The following SHROOM3 variants were observed in gnomAD, a reference collection of about 807,000 sequenced individuals.
SHROOM3 encodes the protein protein Shroom3.
Under a neutral mutation model 138.6 loss-of-function variants are expected in SHROOM3, and 47 were observed. That is an observed-to-expected ratio of 0.34 (90% CI 0.27 to 0.43). The LOEUF is 0.43. Ranked by LOEUF, SHROOM3 falls within the 20% of genes least tolerant of loss-of-function variation. The probability of loss-of-function intolerance (pLI) is 1.00; values close to 1 mark genes in which losing one functional copy is unlikely to be tolerated. For synonymous variants in SHROOM3, 1,062 were observed against 1,063.3 expected (o/e 1.00, Z 0.02); for missense variants, 2,491 against 2,596.5 (o/e 0.96, Z 0.88).
rs529114012 is a variant in SHROOM3 at position 76,439,105 on chromosome 4, C to T, written c.168+2885C>T. 2.6e-5 allele frequency among the ~76,000 whole-genome samples: 4 copies of T among 152,304 alleles called. No homozygotes were observed. The East Asian group carries it at 5.8e-4, about 22-fold the overall frequency. On this transcript the variant is annotated intron_variant, in intron 1 of 10. Coordinates refer to ENST00000296043, the MANE Select transcript of SHROOM3 (RefSeq NM_020859.4). ...TCAGTGTGTCAGCAGGGCTGTGTTCCTTGCTGGAGGCTCTAGGGGAAGATG... is the reference window on the plus strand; with the variant it reads ...TCAGTGTGTCAGCAGGGCTGTGTTCTTTGCTGGAGGCTCTAGGGGAAGATG...
chr4:76,477,227 C>T (rs1469918667), intron 1 of SHROOM3, among the ~76,000 whole-genome samples: 2 of 152,170 alleles, frequency 1.3e-5, no homozygotes, highest in Non-Finnish European at 2.9e-5. Context: ...ACTCGGCCTC[C>T]CAAAGTGCTA....
intron 2 of SHROOM3, among the ~76,000 whole-genome samples, chr4:76,620,357 G>A (rs55968954): frequency 0.085 from 12,900 of 152,126 alleles, 592 homozygotes; most frequent in East Asian, 0.13. Flanking sequence ...TTAGAGATAC[G>A]GGAATTATCT....
chr4:76,606,864 G>A (rs1227982885), intron 2 of SHROOM3, among the ~76,000 whole-genome samples: 1 of 152,124 alleles, frequency 6.6e-6, no homozygotes, highest in Non-Finnish European at 1.5e-5. Context: ...AAAAAATGCT[G>A]TAGCAGCTTG....
intron 2 of SHROOM3, among the ~76,000 whole-genome samples, chr4:76,630,272 A>C (rs1735277322): frequency 6.6e-6 from 1 of 152,322 alleles, no homozygotes; most frequent in South Asian, 2.1e-4. Context: ...TTACAGCGGG[A>C]CCAGGAGTGC....
chr4:76,566,750 T>C (rs1046226111), intron 2 of SHROOM3, among the ~76,000 whole-genome samples: 1 of 152,238 alleles, frequency 6.6e-6, no homozygotes, highest in Non-Finnish European at 1.5e-5. Context: ...TGGTTCCATC[T>C]GACTTGAGAT....
At chr4:76,641,942 T>C (rs1360789983) in intron 2 of SHROOM3, among the ~76,000 whole-genome samples, 2 of 152,150 alleles carry the variant, frequency 1.3e-5, no homozygotes, top group African/African-American at 4.8e-5. Flanking sequence ...GAGCCTGTCA[T>C]TTTTAGAGCT....
intron 2 of SHROOM3, among the ~76,000 whole-genome samples, chr4:76,671,377 G>A (rs1437843290): frequency 6.6e-6 from 1 of 152,162 alleles, no homozygotes; most frequent in Non-Finnish European, 1.5e-5. Flanking sequence ...TTGCCTTTTG[G>A]ATAAACTTCA....
intron 2 of SHROOM3, among the ~76,000 whole-genome samples, chr4:76,599,465 C>A (rs1734459827): frequency 6.6e-6 from 1 of 152,202 alleles, no homozygotes. Context: ...AGTTCATCTC[C>A]TTTATTCTTT....
chr4:76,444,484 C>CTT lies in SHROOM3; in HGVS notation c.168+8290_168+8291dup, dbSNP rs61655085. On this transcript the variant is annotated intron_variant, in intron 1 of 10. Transcript: ENST00000296043. ...CCAGTTTCCTCATCTCTCTTTCTTT[C>CTT]TTTTTTTTTTTTTTTTTTTTTTTTT... Among the ~76,000 whole-genome samples, 112 of 60,158 alleles carry CTT rather than the reference C, an allele frequency of 1.9e-3. 1 individual carries two copies. The highest frequency in any genetic ancestry group is 2.8e-3 in the African/African-American group (42 of 15,258). 39.5% of individuals were successfully genotyped at this position (60,158 alleles called of 152,430 possible).
At chr4:76,700,993 C>G (rs1163431547) in intron 2 of SHROOM3, among the ~76,000 whole-genome samples, 2 of 152,084 alleles carry the variant, frequency 1.3e-5, no homozygotes, top group East Asian at 3.9e-4. Context: ...CCATGTTGAC[C>G]AGGTTGGTCT....
intron 10 of SHROOM3, among the ~76,000 whole-genome samples, chr4:76,773,540 T>C (rs572509241): frequency 6.6e-6 from 1 of 152,240 alleles, no homozygotes; most frequent in Non-Finnish European, 1.5e-5. Context: ...CCCAGAGCTA[T>C]AGCATCAGCA....
At chr4:76,565,847 C>T (rs72659797) in intron 2 of SHROOM3, among the ~76,000 whole-genome samples, 13,804 of 152,028 alleles carry the variant, frequency 0.091, 781 homozygotes, top group East Asian at 0.14. Context: ...AGGCTGGGTG[C>T]AGTAATCCCT....
Position 76,689,730 on chromosome 4 carries a change from A to T in SHROOM3, c.324-20426A>T, listed in dbSNP as rs1048954653. The T allele has an allele frequency of 8.1e-6, 8 of 985,448 alleles. No homozygotes were observed. In the African/African-American group the frequency reaches 1.4e-4, roughly 17 times the overall value. The allele number at this position is 985,448 out of a possible 1,614,324, so 61.0% of individuals were successfully genotyped here. ...GAGTGAGGAGGGCGGCTGGGCACGGAGAGGGAGGCGGGGGCCGGCCGGCTG... is the reference window on the plus strand; with the variant it reads ...GAGTGAGGAGGGCGGCTGGGCACGGTGAGGGAGGCGGGGGCCGGCCGGCTG... On this transcript the variant is annotated intron_variant, in intron 2 of 10. Transcript: ENST00000296043.
At chr4:76,746,792 T>C (rs1436553037) in intron 5 of SHROOM3, among the ~76,000 whole-genome samples, 21 of 74,932 alleles carry the variant, frequency 2.8e-4, no homozygotes, top group African/African-American at 1.3e-3. Flanking sequence ...ATTATTATTA[T>C]TATTATTATT....
chr4:76,658,599 A>C lies in SHROOM3; in HGVS notation c.324-51557A>C, dbSNP rs144593653. Among the ~76,000 whole-genome samples the C allele has an allele frequency of 3.3e-3, 498 of 152,210 alleles. 2 individuals are homozygous for C. In the Middle Eastern group the frequency reaches 0.037, roughly 11 times the overall value. ...AGAGCAGGAACAGTGAACTATATAT[A>C]ATAGTGTGGTAAATGTTACATCAAG... On this transcript the variant is annotated intron_variant, in intron 2 of 10. Coordinates refer to ENST00000296043, the MANE Select transcript of SHROOM3 (RefSeq NM_020859.4).
intron 2 of SHROOM3, among the ~76,000 whole-genome samples, chr4:76,708,439 G>A (rs1720129993): frequency 6.6e-6 from 1 of 151,848 alleles, no homozygotes; most frequent in African/African-American, 2.4e-5. Flanking sequence ...AAATTAGGAA[G>A]TTATTAAATA....
chr4:76,480,299 C>T (rs28817415), intron 1 of SHROOM3, among the ~76,000 whole-genome samples: 49,783 of 151,972 alleles, frequency 0.33, 9,686 homozygotes, highest in Non-Finnish European at 0.45. Flanking sequence ...GAAGATTTAC[C>T]AAGCAAATGG....
At chr4:76,669,809 C>T (rs1461919420) in intron 2 of SHROOM3, among the ~76,000 whole-genome samples, 6 of 152,152 alleles carry the variant, frequency 3.9e-5, no homozygotes, top group Non-Finnish European at 7.3e-5. Flanking sequence ...CTGAGGAATG[C>T]ATCTTAAACA....
intron 5 of SHROOM3, among the ~76,000 whole-genome samples, chr4:76,746,731 A>G (rs1213638730): frequency 6.6e-6 from 1 of 151,546 alleles, no homozygotes; most frequent in Non-Finnish European, 1.5e-5. Context: ...TGAGATAACT[A>G]ACTTGGAACC....
Sources: allele counts gnomAD v4.1 joint callset (sites outside exome capture counted in the v4.1 genomes callset), GRCh38; gene constraint gnomAD v4.1.1; transcripts MANE v1.5; gene names NCBI Gene and HGNC (gene_info 2026-07-23, HGNC 2026-07-21).